BRD2: variants seen among roughly 807,000 people sequenced by gnomAD.
BRD2 encodes bromodomain-containing protein 2.
A neutral mutation model predicts 79.1 loss-of-function variants in BRD2; 15 were observed. The ratio of observed to expected loss-of-function variants is 0.19; its 90% CI spans 0.13 to 0.29. The LOEUF is 0.29. BRD2 is among the 10% of genes least tolerant of loss of function. BRD2 has a pLI of 1.00. For synonymous variants in BRD2, 488 were observed against 358.6 expected, an observed-to-expected ratio of 1.36 and a Z score of -4.08; for missense variants, 1,053 against 991.3, an observed-to-expected ratio of 1.06 and a Z score of -0.84.
At chr6:32,980,229 T>C (rs1779339891) in intron 11 of BRD2, 97 bp downstream of exon 11, 2 of 1,572,548 alleles carry the variant, frequency 1.3e-6, no homozygotes, top group East Asian at 2.2e-5. Flanking sequence ...CCCAGGATAA[T>C]GGGATGTGTT....
At position 32,977,467 on chromosome 6, in the gene BRD2, G is replaced by A. The variant is rs141044200; in HGVS notation, c.1226G>A (p.Arg409Gln). 4.0e-5 allele frequency: 65 copies of A among 1,613,894 alleles called. No homozygotes were observed. The African/African-American group carries it at 6.4e-4, about 16-fold the overall frequency. ...CGGAAGATGGAGAACCGTGATTACC[G>A]GGATGCACAGGAGTTTGCTGCTGAT... ...VKRKMENRDYRDAQEFAADVR... is the reference protein window; with the variant it reads ...VKRKMENRDYQDAQEFAADVR... The change falls in exon 8 of 13, where the codon CGG becomes CAG. Residue 409 changes from arginine to glutamine, a missense_variant. Coordinates refer to ENST00000374825, the MANE Select transcript of BRD2 (RefSeq NM_005104.4).
In BRD2 at chr6:32,977,507, C is replaced by T. The variant is rs1275571686; in HGVS notation, c.1266C>T (p.Phe422=). The T allele has an allele frequency of 5.6e-6, 9 of 1,614,046 alleles. No individual in the cohort carries two copies. Among genetic ancestry groups the T allele is most frequent in the African/African-American group, 1.3e-5 (1 of 75,064 alleles). Residue 422 remains phenylalanine, a synonymous_variant, in exon 8 of 13, where the codon TTC becomes TTT. Coordinates refer to ENST00000374825, the MANE Select transcript of BRD2 (RefSeq NM_005104.4). ...QEFAADVRLM[F]SNCYKYNPPD... ...TTGCTGCTGATGTACGGCTTATGTT[C>T]TCCAACTGCTATAAGTACAATCCCC... is the stretch of plus-strand genomic sequence containing the variant.
At chr6:32,974,344 C>T (rs1360753167) in intron 2 of BRD2, 118 bp from the exon 3 acceptor site, 2 of 1,022,768 alleles carry the variant, frequency 2.0e-6, no homozygotes, top group African/African-American at 1.6e-5. Flanking sequence ...TTAAGAAGCA[C>T]TTGGCATAAG....
rs760646283 is a variant in BRD2, at chr6:32,978,341, T to C, written c.1794T>C (p.Ala598=). The change falls in exon 10 of 13, where the codon GCT becomes GCC. Residue 598 remains alanine (A), a synonymous_variant. Coordinates refer to ENST00000374825, the MANE Select transcript of BRD2 (RefSeq NM_005104.4). The part of the protein sequence containing the change: ...KKASGSGGGS[A]ALGPSGFGPS... ...CAAGTGGCAGTGGGGGTGGCAGTGC[T>C]GCTTTAGGCCCTTCTGGCTTTGGAC... 1.2e-5 allele frequency: 19 copies of C among 1,613,072 alleles called. No individual in the cohort carries two copies. Among genetic ancestry groups the C allele is most frequent in the Non-Finnish European group, 1.6e-5 (19 of 1,180,028 alleles).
At position 32,971,733 on chromosome 6, in the gene BRD2, A is replaced by T; in HGVS notation, c.-1166A>T. On this transcript the variant is annotated 5_prime_UTR_variant, in exon 2 of 13. The change abolishes an upstream ATG in the 5' untranslated region. Coordinates refer to ENST00000374825, the MANE Select transcript of BRD2 (RefSeq NM_005104.4). ...GCTTTGGCCAATGGAGGAGCTACGAATGGCACGACCTGCTCGAGCTTGGCA... is the reference window on the plus strand; with the variant it reads ...GCTTTGGCCAATGGAGGAGCTACGATTGGCACGACCTGCTCGAGCTTGGCA... 2 of 568,048 alleles carry T rather than the reference A, an allele frequency of 3.5e-6. No individual in the cohort carries two copies. The highest frequency in any genetic ancestry group is 4.2e-5 in the South Asian group (2 of 47,060). 35.2% of individuals were successfully genotyped at this position (568,048 alleles called of 1,614,324 possible).
rs1057510492 is a variant in BRD2, at chr6:32,972,050, C to T, written c.-849C>T. ...AAAAAGCTCCCGCGGAGAGGTGTTC[C>T]TTCCCCTTCGACTCAGCTTCTTCAC... On this transcript the variant is annotated 5_prime_UTR_variant, in exon 2 of 13. Transcript: ENST00000374825. 8 of 700,892 alleles carry T rather than the reference C, an allele frequency of 1.1e-5. No individual in the cohort carries two copies. Among genetic ancestry groups the T allele is most frequent in the East Asian group, 2.7e-5 (1 of 37,218 alleles). 43.4% of individuals were successfully genotyped at this position (700,892 alleles called of 1,614,324 possible).
At position 32,971,822 on chromosome 6, in the gene BRD2, A is replaced by T. The variant is rs976071989; in HGVS notation, c.-1077A>T. ...TTGTTGGAAGGGGAGGCGGGGAGAG[A>T]GTGCTGGAGGCTCTGGGGCGATGGC... On this transcript the variant is annotated 5_prime_UTR_variant, in exon 2 of 13. Transcript: ENST00000374825. The T allele has an allele frequency of 1.1e-5, 7 of 652,658 alleles. No individual in the cohort carries two copies. The highest frequency in any genetic ancestry group is 1.8e-5 in the African/African-American group (1 of 55,262). 40.4% of individuals were successfully genotyped at this position (652,658 alleles called of 1,614,324 possible). A position where few individuals can be genotyped will look rare whatever the true frequency, so the allele number is the denominator to read the frequency against.
At position 32,976,312 on chromosome 6, in the gene BRD2, G is replaced by A. The variant is rs1459868434; in HGVS notation, c.673G>A (p.Ala225Thr). 1.2e-6 allele frequency: 2 copies of A among 1,612,986 alleles called. No homozygotes were observed. The highest frequency in any genetic ancestry group is 2.2e-5 in the East Asian group (1 of 44,882). Reference sequence around the variant, plus strand: ...TGCCGTCTCTTCTGTGTCACACACAGCCCTGTATACTCCTCCACCTGAGAT... The same window carrying A: ...TGCCGTCTCTTCTGTGTCACACACAACCCTGTATACTCCTCCACCTGAGAT... Reference protein sequence around the residue: ...VPAVSSVSHTALYTPPPEIPT... With the variant: ...VPAVSSVSHTTLYTPPPEIPT... The change falls in exon 6 of 13, where the codon GCC becomes ACC. Residue 225 changes from alanine (A) to threonine (T), a missense_variant. Coordinates refer to ENST00000374825, the MANE Select transcript of BRD2 (RefSeq NM_005104.4).
rs1779442533 is a variant in BRD2, at chr6:32,980,795, C to T, written c.*77C>T. 1 of 1,551,454 alleles carries T rather than the reference C, an allele frequency of 6.4e-7. No individual in the cohort carries two copies. Among genetic ancestry groups the T allele is most frequent in the Non-Finnish European group, 8.8e-7 (1 of 1,133,742 alleles). Reference sequence around the variant, plus strand: ...CACCCTGCCCCACCTGCCCCTTCCCCCTTTGCTGTGACACTTCTTCATCTC... The same window carrying T: ...CACCCTGCCCCACCTGCCCCTTCCCTCTTTGCTGTGACACTTCTTCATCTC... On this transcript the variant is annotated 3_prime_UTR_variant, in exon 13 of 13. Transcript: ENST00000374825.
chr6:32,980,952 CAG>C lies in BRD2; in HGVS notation c.*237_*238del. 1 of 565,284 alleles carries C rather than the reference CAG, an allele frequency of 1.8e-6. No homozygotes were observed. The highest frequency in any genetic ancestry group is 3.1e-5 in the Admixed American group (1 of 32,418). The allele number at this position is 565,284 out of a possible 1,614,324, so 35.0% of individuals were successfully genotyped here. ...CCATTGGGGAGTGATCTCTTGGACA[CAG>C]AGCCCCCATTCAAAATGGGGCAGGG... On this transcript the variant is annotated 3_prime_UTR_variant, in exon 13 of 13. Transcript: ENST00000374825.
intron 7 of BRD2, chr6:32,977,174 T>C (rs1778875151): frequency 1.5e-6 from 2 of 1,372,934 alleles, no homozygotes; most frequent in Non-Finnish European, 2.0e-6. Context: ...AGTACTAATG[T>C]GGCAGTGTTG....
intron 3 of BRD2, 162 bp from the exon 4 acceptor site, chr6:32,975,222 A>G: frequency 8.1e-7 from 1 of 1,229,458 alleles, no homozygotes; most frequent in Non-Finnish European, 1.1e-6. Flanking sequence ...TTATTTATTT[A>G]TTTTGTCCCA....
intron 10 of BRD2, 186 bp from the exon 11 acceptor site, chr6:32,979,642 T>TA (rs372825336): frequency 1.0e-5 from 5 of 492,528 alleles, no homozygotes; most frequent in South Asian, 2.5e-5. Flanking sequence ...ATTGCCTACT[T>TA]ACAGTCGAGC....
chr6:32,976,195 TG>T, intron 5 of BRD2, 26 bp downstream of exon 5: 1 of 1,571,122 alleles, frequency 6.4e-7, no homozygotes, highest in South Asian at 1.1e-5. Flanking sequence ...GTTTTGCAAA[TG>T]GACAACTAAA....
rs1349140978 is a variant in BRD2 at position 32,972,233 on chromosome 6, G to A, written c.-666G>A. On this transcript the variant is annotated 5_prime_UTR_variant, in exon 2 of 13. Transcript: ENST00000374825. ...GCTGGAGTGGAGCAGCCTCTAGAAC[G>A]AGCTGGAGGATTCTGCCTACCGATA... The A allele has an allele frequency of 4.1e-6, 2 of 491,050 alleles. No individual in the cohort carries two copies. Among genetic ancestry groups the A allele is most frequent in the Admixed American group, 6.5e-5 (2 of 30,602 alleles). 30.4% of individuals were successfully genotyped at this position (491,050 alleles called of 1,614,324 possible). A position where few individuals can be genotyped will look rare whatever the true frequency, so the allele number is the denominator to read the frequency against.
intron 10 of BRD2, 122 bp from the exon 11 acceptor site, chr6:32,979,706 A>C (rs534067236): frequency 8.3e-7 from 1 of 1,208,488 alleles, no homozygotes; most frequent in Non-Finnish European, 1.1e-6. Flanking sequence ...TTACTTGGCC[A>C]TTGAATGGAA....
chr6:32,975,633 C>T (rs1337270288), intron 4 of BRD2, 112 bp downstream of exon 4: 20 of 1,363,348 alleles, frequency 1.5e-5, no homozygotes, highest in Non-Finnish European at 2.0e-5. Context: ...AGGTGTTATC[C>T]AGGTAGGGTA....
intron 9 of BRD2, 26 bp downstream of exon 9, chr6:32,978,031 T>C: frequency 6.2e-7 from 1 of 1,606,770 alleles, no homozygotes; most frequent in Non-Finnish European, 8.5e-7. Flanking sequence ...TGAAAGTTTT[T>C]ATTGGGTAAG....
chr6:32,971,990 A>AAGTTTT lies in BRD2; in HGVS notation c.-904_-903insTAGTTT. ...CCTGGTGACTGACACCTTGGAAATG[A>AAGTTTT]AGTTTATGACGTCATCGTTGCGGCT... On this transcript the variant is annotated 5_prime_UTR_variant, in exon 2 of 13. It introduces an in-frame stop codon into an upstream open reading frame of the 5' UTR. Coordinates refer to ENST00000374825, the MANE Select transcript of BRD2 (RefSeq NM_005104.4). 1.4e-6 allele frequency: 1 copy of AAGTTTT among 702,474 alleles called. No individual in the cohort carries two copies. The highest frequency in any genetic ancestry group is 2.6e-6 in the Non-Finnish European group (1 of 384,916). 43.5% of individuals were successfully genotyped at this position (702,474 alleles called of 1,614,324 possible). A position where few individuals can be genotyped will look rare whatever the true frequency, so the allele number is the denominator to read the frequency against.
Sources: allele counts gnomAD v4.1 joint callset, GRCh38; gene constraint gnomAD v4.1.1; transcripts MANE v1.5; gene names NCBI Gene and HGNC (gene_info 2026-07-23, HGNC 2026-07-21).